ZRANB3: variants seen among roughly 807,000 people sequenced by gnomAD.
ZRANB3 encodes zinc finger RANBP2-type containing 3.
A neutral mutation model predicts 133.8 loss-of-function variants in ZRANB3; 125 were observed. That is an observed-to-expected ratio of 0.93 (90% CI 0.81 to 1.08). The LOEUF (loss-of-function observed/expected upper bound fraction) is 1.08. ZRANB3 is among the 50% of genes least tolerant of loss of function. The pLI is 0.00. For missense variants in ZRANB3, 1,229 were observed against 1,275.5 expected, an observed-to-expected ratio of 0.96 and a Z score of 0.56; for synonymous variants, 387 against 432.7, an observed-to-expected ratio of 0.89 and a Z score of 1.31.
intron 3 of ZRANB3, among the ~76,000 whole-genome samples, chr2:135,385,990 A>T (rs1166340600): frequency 1.3e-5 from 2 of 152,194 alleles, no homozygotes. Context: ...AAAGAGACAA[A>T]TGGGGTCTAA....
chr2:135,370,656 T>C (rs1243449801), intron 3 of ZRANB3, among the ~76,000 whole-genome samples: 1 of 152,186 alleles, frequency 6.6e-6, no homozygotes, highest in Non-Finnish European at 1.5e-5. Context: ...AGACTTGTAT[T>C]GATAACCATC....
rs1042780913 is a variant in ZRANB3 at position 135,480,769 on chromosome 2, C to A, written c.161+23560G>T. Among the ~76,000 whole-genome samples, 35 of 117,286 alleles carry A rather than the reference C, an allele frequency of 3.0e-4. No individual in the cohort carries two copies. In the South Asian group the frequency reaches 0.013, roughly 42 times the overall value. 76.9% of individuals were successfully genotyped at this position (117,286 alleles called of 152,430 possible). The stretch of plus-strand genomic sequence containing the variant: ...CCCAGTGCTATCCCTCCCCCCTCCC[C>A]CCACCCGACAACAGTCCCCAGAGTG... On this transcript the variant is annotated intron_variant, in intron 2 of 20. Coordinates refer to ENST00000264159, the MANE Select transcript of ZRANB3 (RefSeq NM_032143.4).
At chr2:135,503,357 A>T (rs111987753) in intron 2 of ZRANB3, among the ~76,000 whole-genome samples, 395 of 152,324 alleles carry the variant, frequency 2.6e-3, no homozygotes, top group African/African-American at 8.9e-3. Flanking sequence ...AAGCATGGCA[A>T]AATGTTAATA....
chr2:135,403,729 G>A (rs1254539192), intron 2 of ZRANB3, among the ~76,000 whole-genome samples: 3 of 152,084 alleles, frequency 2.0e-5, no homozygotes, highest in South Asian at 2.1e-4. Flanking sequence ...CACCTCACAC[G>A]GCCGGGTACT....
At chr2:135,466,832 T>C (rs907311332) in intron 2 of ZRANB3, among the ~76,000 whole-genome samples, 1 of 151,898 alleles carries the variant, frequency 6.6e-6, no homozygotes, top group Admixed American at 6.6e-5. Flanking sequence ...CACACACCAC[T>C]GCACTCAGCT....
chr2:135,487,152 G>T (rs536959365), intron 2 of ZRANB3, among the ~76,000 whole-genome samples: 1 of 152,296 alleles, frequency 6.6e-6, no homozygotes, highest in South Asian at 2.1e-4. Flanking sequence ...GAGCTCTTGG[G>T]TGACCAGGTC....
At position 135,370,976 on chromosome 2, in the gene ZRANB3, G is replaced by A. The variant is rs1226854915; in HGVS notation, c.181-17348C>T. 2.0e-5 allele frequency among the ~76,000 whole-genome samples: 3 copies of A among 152,176 alleles called. No individual in the cohort carries two copies. In the East Asian group the frequency reaches 5.8e-4, roughly 29 times the overall value. ...TCTCTCTCCTGCCACCCTGTGAAGA[G>A]GTGCCTTCTGCCATAACCTTAAGCT... On this transcript the variant is annotated intron_variant, in intron 3 of 20. Transcript: ENST00000264159.
intron 2 of ZRANB3, among the ~76,000 whole-genome samples, chr2:135,421,878 CT>C (rs796407702): frequency 5.7e-4 from 74 of 129,760 alleles, no homozygotes; most frequent in African/African-American, 1.7e-3. Flanking sequence ...ACTTTTATTT[CT>C]TTTTTTTTTC....
At chr2:135,528,549 T>C (rs927509062) in intron 1 of ZRANB3, among the ~76,000 whole-genome samples, 2 of 152,052 alleles carry the variant, frequency 1.3e-5, no homozygotes, top group Admixed American at 6.6e-5. Context: ...TTATCACACA[T>C]AACATCATTT....
intron 2 of ZRANB3, among the ~76,000 whole-genome samples, chr2:135,476,395 G>A (rs943205993): frequency 6.6e-6 from 1 of 151,970 alleles, no homozygotes; most frequent in Admixed American, 6.6e-5. Flanking sequence ...AACATTCCAG[G>A]GAAAGAAAAG....
intron 2 of ZRANB3, among the ~76,000 whole-genome samples, chr2:135,486,809 G>A (rs556596598): frequency 5.3e-5 from 8 of 152,172 alleles, no homozygotes; most frequent in African/African-American, 1.2e-4. Context: ...CACTGCACCC[G>A]GTCCCCTCTA....
intron 1 of ZRANB3, among the ~76,000 whole-genome samples, chr2:135,514,509 T>C (rs558516906): frequency 6.3e-4 from 96 of 152,372 alleles, no homozygotes; most frequent in Non-Finnish European, 4.7e-4. Flanking sequence ...GAGACACTGC[T>C]GAAGTTGCTT....
chr2:135,452,120 C>A (rs1480735976), intron 2 of ZRANB3, among the ~76,000 whole-genome samples: 7 of 152,044 alleles, frequency 4.6e-5, no homozygotes, highest in Admixed American at 3.9e-4. Context: ...GCTGGGGAGG[C>A]AAAAGGCACT....
At chr2:135,220,001 A>G (rs1694472299) in intron 15 of ZRANB3, among the ~76,000 whole-genome samples, 1 of 151,854 alleles carries the variant, frequency 6.6e-6, no homozygotes, top group Admixed American at 6.6e-5. Flanking sequence ...CCTCCCAAGT[A>G]GCTGGAATTA....
chr2:135,293,903 G>C (rs2104798451), intron 8 of ZRANB3, among the ~76,000 whole-genome samples: 1 of 151,144 alleles, frequency 6.6e-6, no homozygotes, highest in South Asian at 2.1e-4. Flanking sequence ...TACGTTTATT[G>C]ATTTTCGTAT....
At chr2:135,517,626 G>A (rs1462250255) in intron 1 of ZRANB3, among the ~76,000 whole-genome samples, 6 of 152,234 alleles carry the variant, frequency 3.9e-5, no homozygotes, top group African/African-American at 1.4e-4. Context: ...AAAGGTTGCT[G>A]CCTGTTCCTT....
At chr2:135,334,928 A>ATAATT (rs1192627302) in intron 6 of ZRANB3, among the ~76,000 whole-genome samples, 1 of 152,004 alleles carries the variant, frequency 6.6e-6, no homozygotes, top group Non-Finnish European at 1.5e-5. Context: ...AAAAATAAAA[A>ATAATT]TAATTTAATT....
At chr2:135,236,376 T>C (rs964754307) in intron 12 of ZRANB3, among the ~76,000 whole-genome samples, 23 of 152,048 alleles carry the variant, frequency 1.5e-4, no homozygotes, top group African/African-American at 5.3e-4. Context: ...AGGTAATTTA[T>C]AGATTCAATG....
At chr2:135,391,614 C>T (rs866160870) in intron 2 of ZRANB3, among the ~76,000 whole-genome samples, 2 of 146,868 alleles carry the variant, frequency 1.4e-5, no homozygotes, top group Non-Finnish European at 3.0e-5. Flanking sequence ...GAGTCTCGCT[C>T]TGTTGCCCAG....
Sources: allele counts gnomAD v4.1 joint callset (sites outside exome capture counted in the v4.1 genomes callset), GRCh38; gene constraint gnomAD v4.1.1; transcripts MANE v1.5; gene names NCBI Gene and HGNC (gene_info 2026-07-23, HGNC 2026-07-21).